Variants in MTMR2 observed in about 807,000 individuals in gnomAD.
MTMR2 encodes the protein myotubularin related protein 2.
MTMR2 carries 55 observed loss-of-function variants against 86.9 expected under a neutral mutation model. The observed-to-expected ratio is 0.63, with a 90% CI of 0.51 to 0.79. The LOEUF (loss-of-function observed/expected upper bound fraction) is 0.79, where lower values mean the gene tolerates loss of function less well. Ranked by LOEUF, MTMR2 falls within the 30% of genes least tolerant of loss-of-function variation. MTMR2 has a pLI of 0.00. For synonymous variants in MTMR2, 241 were observed against 266.8 expected (o/e 0.90, Z 0.94); for missense variants, 659 against 772.3 (o/e 0.85, Z 1.74).
chr11:95,905,331 G>GCGCGCGCGCGCGCA lies in MTMR2; in HGVS notation c.81-17071_81-17070insTGCGCGCGCGCGCG, dbSNP rs928252045. On this transcript the variant is annotated intron_variant, in intron 1 of 14. Coordinates refer to ENST00000346299, the MANE Select transcript of MTMR2 (RefSeq NM_016156.6). Reference sequence around the variant, plus strand: ...CTTACACACACACGCACGCACCTGCGCACACACACACACACACACACACAC... The same window carrying GCGCGCGCGCGCGCA: ...CTTACACACACACGCACGCACCTGCGCGCGCGCGCGCGCACACACACACACACACACACACACAC... Among the ~76,000 whole-genome samples the GCGCGCGCGCGCGCA allele has an allele frequency of 1.5e-3, 228 of 148,092 alleles. 3 individuals are homozygous for GCGCGCGCGCGCGCA. Among genetic ancestry groups the GCGCGCGCGCGCGCA allele is most frequent in the African/African-American group, 3.3e-3 (133 of 40,132 alleles).
At chr11:95,897,662 C>G (rs1176776843) in intron 1 of MTMR2, among the ~76,000 whole-genome samples, 2 of 152,062 alleles carry the variant, frequency 1.3e-5, no homozygotes, top group African/African-American at 2.4e-5. Context: ...GAAACTACAC[C>G]TATTTAGCTA....
At chr11:95,903,270 C>T (rs1465760379) in intron 1 of MTMR2, among the ~76,000 whole-genome samples, 1 of 152,132 alleles carries the variant, frequency 6.6e-6, no homozygotes, top group Non-Finnish European at 1.5e-5. Flanking sequence ...TCAATTTCAC[C>T]AAAACCTCCA....
chr11:95,884,426 TG>T (rs2135539630), intron 2 of MTMR2, among the ~76,000 whole-genome samples: 1 of 152,266 alleles, frequency 6.6e-6, no homozygotes, highest in South Asian at 2.1e-4. Flanking sequence ...GCAGCAAAAC[TG>T]TGGGAGGAGT....
At chr11:95,849,630 T>G in intron 9 of MTMR2, 44 bp downstream of exon 9, 1 of 1,566,696 alleles carries the variant, frequency 6.4e-7, no homozygotes, top group Non-Finnish European at 8.8e-7. Flanking sequence ...CAAACTCAGC[T>G]GATTCATGAA....
chr11:95,912,500 AG>A (rs1382271947), intron 1 of MTMR2, among the ~76,000 whole-genome samples: 1 of 151,820 alleles, frequency 6.6e-6, no homozygotes, highest in African/African-American at 2.4e-5. Context: ...TATTAAAAAA[AG>A]GCATTGCATC....
rs1368149975 is a variant in MTMR2 at position 95,858,484 on chromosome 11, C to T, written c.570+47G>A. 4 of 1,277,192 alleles carry T rather than the reference C, an allele frequency of 3.1e-6. No individual in the cohort carries two copies. In the African/African-American group the frequency reaches 4.4e-5, roughly 14 times the overall value. 79.1% of individuals were successfully genotyped at this position (1,277,192 alleles called of 1,614,324 possible). A position where few individuals can be genotyped will look rare whatever the true frequency, so the allele number is the denominator to read the frequency against. ...AGCCTAGACAAGTTTCTTTATACGA[C>T]ATCAATAATTATAGCACAAATTTTC... On this transcript the variant is annotated intron_variant, in intron 6 of 14. Transcript: ENST00000346299.
chr11:95,875,283 CT>C (rs145115169), intron 2 of MTMR2, among the ~76,000 whole-genome samples: 42,520 of 151,850 alleles, frequency 0.28, 7,072 homozygotes, highest in Non-Finnish European at 0.38. Flanking sequence ...TTCTTGGAGG[CT>C]TTGTTCATTT....
chr11:95,888,196 G>GA lies in MTMR2; in HGVS notation c.145dup (p.Ser49PhefsTer12). Reference sequence around the variant, plus strand: ...AAAGTTGTCGGCAGAAGTTGAAATGGAATCTGATGATACAACAGAAGCTGA... The same window carrying GA: ...AAAGTTGTCGGCAGAAGTTGAAATGGAAATCTGATGATACAACAGAAGCTGA... On this transcript the variant is annotated frameshift_variant, in exon 2 of 15. Transcript: ENST00000346299. LOFTEE classifies it high-confidence loss of function. The GA allele has an allele frequency of 6.2e-7, 1 of 1,613,562 alleles. No individual in the cohort carries two copies. Among genetic ancestry groups the GA allele is most frequent in the Non-Finnish European group, 8.5e-7 (1 of 1,179,732 alleles).
At chr11:95,870,183 T>C (rs1341101141) in intron 2 of MTMR2, among the ~76,000 whole-genome samples, 1 of 152,216 alleles carries the variant, frequency 6.6e-6, no homozygotes, top group East Asian at 1.9e-4. Flanking sequence ...GACACACAGA[T>C]GATGGATGTC....
chr11:95,845,433 ATTC>A (rs1863746226), intron 10 of MTMR2, among the ~76,000 whole-genome samples: 1 of 152,318 alleles, frequency 6.6e-6, no homozygotes, highest in South Asian at 2.1e-4. Flanking sequence ...ATGGTGTAAG[ATTC>A]TTCTTAGAAA....
chr11:95,870,944 T>A (rs368635774), intron 2 of MTMR2, among the ~76,000 whole-genome samples: 1 of 151,530 alleles, frequency 6.6e-6, no homozygotes, highest in Admixed American at 6.6e-5. Flanking sequence ...TGTCCATGTG[T>A]TCTCATTGTC....
chr11:95,914,359 A>G, intron 1 of MTMR2: 14 of 985,242 alleles, frequency 1.4e-5, no homozygotes, highest in Non-Finnish European at 1.7e-5. Context: ...AAATTTAAGG[A>G]ACCCTAAAAT....
chr11:95,906,308 TA>T (rs1458117439), intron 1 of MTMR2, among the ~76,000 whole-genome samples: 4 of 152,134 alleles, frequency 2.6e-5, no homozygotes, highest in African/African-American at 9.7e-5. Flanking sequence ...TTATACCCAT[TA>T]TAAAATGGGT....
intron 7 of MTMR2, 32 bp from the exon 8 acceptor site, chr11:95,850,781 C>T: frequency 6.4e-7 from 1 of 1,563,934 alleles, no homozygotes; most frequent in African/African-American, 1.4e-5. Flanking sequence ...AGACAAATTA[C>T]TATATAACTA....
In MTMR2 at chr11:95,853,527, A is replaced by G. The variant is rs148400066; in HGVS notation, c.655-2778T>C. Among the ~76,000 whole-genome samples, 1,104 of 152,256 alleles carry G rather than the reference A, an allele frequency of 7.3e-3. 4 individuals are homozygous for G. The highest frequency in any genetic ancestry group is 0.012 in the Admixed American group (191 of 15,282). ...TTTACCAGACTTAGCAAAGCCCTCT[A>G]CAATCCTGCTTTCTCCAGATCTCTC... On this transcript the variant is annotated intron_variant, in intron 7 of 14. Coordinates refer to ENST00000346299, the MANE Select transcript of MTMR2 (RefSeq NM_016156.6).
At chr11:95,870,400 G>C (rs560532902) in intron 2 of MTMR2, among the ~76,000 whole-genome samples, 2 of 152,114 alleles carry the variant, frequency 1.3e-5, no homozygotes, top group South Asian at 2.1e-4. Flanking sequence ...TGGTCAAGGA[G>C]GGCAAAGAAA....
chr11:95,851,039 A>G (rs1863997923), intron 7 of MTMR2, among the ~76,000 whole-genome samples: 1 of 151,074 alleles, frequency 6.6e-6, no homozygotes, highest in African/African-American at 2.4e-5. Context: ...AGGAAACAGT[A>G]AGACTTCAAA....
At chr11:95,836,012 A>G (rs534656284) in intron 14 of MTMR2, 136 bp downstream of exon 14, 2 of 889,930 alleles carry the variant, frequency 2.2e-6, no homozygotes, top group African/African-American at 1.6e-5. Flanking sequence ...GTATTTTTCT[A>G]CTATACGATT....
rs556504585 is a variant in MTMR2 at position 95,868,394 on chromosome 11, G to T, written c.187-2718C>A. Among the ~76,000 whole-genome samples the T allele has an allele frequency of 1.7e-4, 25 of 151,182 alleles. No homozygotes were observed. In the South Asian group the frequency reaches 5.2e-3, roughly 32 times the overall value. On this transcript the variant is annotated intron_variant, in intron 2 of 14. Coordinates refer to ENST00000346299, the MANE Select transcript of MTMR2 (RefSeq NM_016156.6). ...TGAAACAAGAGAAATGAATGAGAAT[G>T]ACTGCAAGGACATTTAAAAATGTAA...
Sources: gnomAD v4.1 joint callset for allele counts (sites outside exome capture counted in the v4.1 genomes callset) on GRCh38, gnomAD v4.1.1 for gene constraint, MANE v1.5 for transcripts, NCBI Gene and HGNC (gene_info 2026-07-23, HGNC 2026-07-21) for gene names.